MEIS2: variants seen among roughly 807,000 people sequenced by gnomAD.
MEIS2 encodes Meis homeobox 2, also known as homeobox protein Meis2.
Under a neutral mutation model 58.6 loss-of-function variants are expected in MEIS2, and 9 were observed. That is an observed-to-expected ratio of 0.15 (90% CI 0.09 to 0.27). The LOEUF (loss-of-function observed/expected upper bound fraction) is 0.27, where lower values mean the gene tolerates loss of function less well. Among genes scored for constraint, MEIS2 ranks in the 10% least tolerant of loss-of-function variants. The pLI is 1.00. For missense variants in MEIS2, 427 were observed against 635.0 expected, an observed-to-expected ratio of 0.67 and a Z score of 3.52; for synonymous variants, 221 against 228.4, an observed-to-expected ratio of 0.97 and a Z score of 0.29.
rs992486699 is a variant in MEIS2, at chr15:37,043,562, G to T, written c.755-6603C>A. Among the ~76,000 whole-genome samples, 6 of 151,736 alleles carry T rather than the reference G, an allele frequency of 4.0e-5. 1 individual carries two copies. Among genetic ancestry groups the T allele is most frequent in the Non-Finnish European group, 7.4e-5 (5 of 67,954 alleles). ...GCACAATTATTGAAATATATTTGTA[G>T]ATGAACTTAATGTTTTTGCCTATAG... On this transcript the variant is annotated intron_variant, in intron 7 of 11. Transcript: ENST00000561208.
chr15:37,059,451 A>T (rs748690738), intron 7 of MEIS2, among the ~76,000 whole-genome samples: 1 of 152,242 alleles, frequency 6.6e-6, no homozygotes, highest in African/African-American at 2.4e-5. Flanking sequence ...GCCTAGTACT[A>T]AGCAATAGAA....
chr15:37,023,615 G>A (rs999048316), intron 8 of MEIS2, among the ~76,000 whole-genome samples: 15 of 152,090 alleles, frequency 9.9e-5, no homozygotes, highest in African/African-American at 2.7e-4. Context: ...CTCACCCTTA[G>A]GTTTTTCCTG....
At chr15:36,939,283 T>C (rs1224743357) in intron 9 of MEIS2, among the ~76,000 whole-genome samples, 4 of 152,190 alleles carry the variant, frequency 2.6e-5, no homozygotes, top group African/African-American at 9.6e-5. Flanking sequence ...CTAAGAGTTA[T>C]ACACTGCGGT....
At chr15:36,894,720 C>T (rs1877125580) in intron 11 of MEIS2, 2 of 1,609,926 alleles carry the variant, frequency 1.2e-6, no homozygotes, top group South Asian at 1.1e-5. Flanking sequence ...TACTTACTTC[C>T]CCCTTGCTTT....
At chr15:37,023,317 T>C (rs1007612233) in intron 8 of MEIS2, among the ~76,000 whole-genome samples, 3 of 152,162 alleles carry the variant, frequency 2.0e-5, no homozygotes, top group African/African-American at 7.2e-5. Flanking sequence ...CTTTCTATAT[T>C]TGGGTTGATT....
At chr15:36,923,741 C>G (rs751098270) in intron 9 of MEIS2, among the ~76,000 whole-genome samples, 3 of 152,214 alleles carry the variant, frequency 2.0e-5, no homozygotes, top group Non-Finnish European at 4.4e-5. Context: ...GTAAAAGGTC[C>G]TGTCCCAAAT....
In MEIS2 at chr15:36,989,953, T is replaced by C. The variant is rs548317827; in HGVS notation, c.901-39553A>G. On this transcript the variant is annotated intron_variant, in intron 8 of 11. Transcript: ENST00000561208. The stretch of plus-strand genomic sequence containing the variant: ...GCAGTTTTGTTTGTTTGTTTGTTTG[T>C]TTGTTTTTTGAGACAGAGTCTCACT... Among the ~76,000 whole-genome samples, 4 of 152,234 alleles carry C rather than the reference T, an allele frequency of 2.6e-5. No homozygotes were observed. In the East Asian group the frequency reaches 5.8e-4, roughly 22 times the overall value.
intron 8 of MEIS2, among the ~76,000 whole-genome samples, chr15:36,959,563 A>C (rs1378676417): frequency 6.6e-6 from 1 of 152,204 alleles, no homozygotes; most frequent in Non-Finnish European, 1.5e-5. Flanking sequence ...CAGAAAGGGA[A>C]GTTAGTGGAG....
intron 9 of MEIS2, among the ~76,000 whole-genome samples, chr15:36,929,126 G>A (rs544115744): frequency 1.3e-5 from 2 of 152,236 alleles, no homozygotes; most frequent in South Asian, 2.1e-4. Context: ...TCTCTCTAGC[G>A]CTTAGCATTA....
intron 7 of MEIS2, among the ~76,000 whole-genome samples, chr15:37,038,867 G>A (rs1269339486): frequency 1.3e-5 from 2 of 152,148 alleles, no homozygotes; most frequent in African/African-American, 2.4e-5. Flanking sequence ...GCAGGGACAC[G>A]TGCACACGCT....
At chr15:36,948,525 T>C (rs2058651193) in intron 9 of MEIS2, among the ~76,000 whole-genome samples, 1 of 151,950 alleles carries the variant, frequency 6.6e-6, no homozygotes, top group Non-Finnish European at 1.5e-5. Context: ...CATGCGGAAA[T>C]TTTATTTTTC....
chr15:36,945,425 C>T (rs2058527406), intron 9 of MEIS2, among the ~76,000 whole-genome samples: 1 of 152,012 alleles, frequency 6.6e-6, no homozygotes, highest in Admixed American at 6.6e-5. Flanking sequence ...TGTTTTCACA[C>T]ACAAATTCTC....
intron 8 of MEIS2, among the ~76,000 whole-genome samples, chr15:36,993,681 C>A (rs2141564591): frequency 6.6e-6 from 1 of 152,224 alleles, no homozygotes; most frequent in East Asian, 1.9e-4. Flanking sequence ...TGGGGTTAAG[C>A]ATTTTCAGCA....
At chr15:36,961,008 A>T (rs878946112) in intron 8 of MEIS2, among the ~76,000 whole-genome samples, 8 of 152,090 alleles carry the variant, frequency 5.3e-5, no homozygotes, top group Admixed American at 5.2e-4. Context: ...TTATCTTATC[A>T]ATTTGTTTTT....
rs1463566652 is a variant in MEIS2 at position 36,990,069 on chromosome 15, C to A, written c.901-39669G>T. Among the ~76,000 whole-genome samples, 4 of 152,226 alleles carry A rather than the reference C, an allele frequency of 2.6e-5. No homozygotes were observed. The South Asian group carries it at 8.3e-4, about 32-fold the overall frequency. Reference sequence around the variant, plus strand: ...ATGCCATTCTCCTGCCTCAGCCTCCCAAGTAGCTGGGACTACAGGCGCCCG... The same window carrying A: ...ATGCCATTCTCCTGCCTCAGCCTCCAAAGTAGCTGGGACTACAGGCGCCCG... On this transcript the variant is annotated intron_variant, in intron 8 of 11. Coordinates refer to ENST00000561208, the MANE Select transcript of MEIS2 (RefSeq NM_170675.5).
At chr15:37,029,906 A>G (rs1233535058) in intron 8 of MEIS2, among the ~76,000 whole-genome samples, 1 of 152,176 alleles carries the variant, frequency 6.6e-6, no homozygotes, top group Non-Finnish European at 1.5e-5. Context: ...GTTCACACCC[A>G]TAATCCCAGC....
At position 36,952,222 on chromosome 15, in the gene MEIS2, G is replaced by A. The variant is rs75108255; in HGVS notation, c.901-1822C>T. ...AAGGCCTGGAGTACAAATTTTAATG[G>A]ACTGAAAACACTGGTTGGGGTGGGA... On this transcript the variant is annotated intron_variant, in intron 8 of 11. Transcript: ENST00000561208. Among the ~76,000 whole-genome samples the A allele has an allele frequency of 6.3e-3, 958 of 152,150 alleles. 9 individuals are homozygous for A. Among genetic ancestry groups the A allele is most frequent in the African/African-American group, 0.022 (918 of 41,526 alleles).
chr15:36,958,633 T>C (rs62002421), intron 8 of MEIS2, among the ~76,000 whole-genome samples: 27,100 of 152,168 alleles, frequency 0.18, 2,640 homozygotes, highest in African/African-American at 0.23. Flanking sequence ...TATTTTCCTA[T>C]TGACTGAGAC....
intron 8 of MEIS2, among the ~76,000 whole-genome samples, chr15:36,972,572 T>A (rs1042417354): frequency 6.6e-6 from 1 of 152,202 alleles, no homozygotes; most frequent in African/African-American, 2.4e-5. Context: ...AAACTATTTT[T>A]AAAAATTCAT....
Sources: gnomAD v4.1 joint callset for allele counts (sites outside exome capture counted in the v4.1 genomes callset) on GRCh38, gnomAD v4.1.1 for gene constraint, MANE v1.5 for transcripts, NCBI Gene and HGNC (gene_info 2026-07-23, HGNC 2026-07-21) for gene names.